The following DECR1 variants were observed in gnomAD, a reference collection of about 807,000 sequenced individuals.
DECR1 encodes the protein 2,4-dienoyl-CoA reductase 1, also known as 2,4-dienoyl-CoA reductase [(3E)-enoyl-CoA-producing], mitochondrial.
A neutral mutation model predicts 38.8 loss-of-function variants in DECR1; 44 were observed. The ratio of observed to expected loss-of-function variants is 1.13; its 90% CI spans 0.89 to 1.46. DECR1 has a LOEUF of 1.46. DECR1 is among the 40% of genes most tolerant of loss of function. DECR1 has a pLI of 0.00. For missense variants in DECR1, 428 were observed against 405.5 expected, an observed-to-expected ratio of 1.06 and a Z score of -0.48; for synonymous variants, 148 against 135.2, an observed-to-expected ratio of 1.09 and a Z score of -0.66.
At chr8:90,020,024 C>T (rs186248283) in intron 4 of DECR1, among the ~76,000 whole-genome samples, 97 of 152,202 alleles carry the variant, frequency 6.4e-4, no homozygotes, top group African/African-American at 2.1e-3. Context: ...TGGAGGAGAA[C>T]GATATAAACA....
Position 90,049,899 on chromosome 8 carries a change from G to A in DECR1, c.886-1778G>A, listed in dbSNP as rs541167416. On this transcript the variant is annotated intron_variant, in intron 8 of 9. Transcript: ENST00000220764. Reference sequence around the variant, plus strand: ...ACATCTACAACCATCTGATCTTTGAGAAGCCTGACAAATACAAGAAATGGG... The same window carrying A: ...ACATCTACAACCATCTGATCTTTGAAAAGCCTGACAAATACAAGAAATGGG... Among the ~76,000 whole-genome samples the A allele has an allele frequency of 9.9e-5, 15 of 152,232 alleles. No homozygotes were observed. The South Asian group carries it at 1.9e-3, about 19-fold the overall frequency.
chr8:90,043,686 T>C (rs977510835), intron 7 of DECR1, among the ~76,000 whole-genome samples: 2 of 152,174 alleles, frequency 1.3e-5, no homozygotes, highest in Non-Finnish European at 2.9e-5. Context: ...GTTTAAAGGA[T>C]GGGAAATAGA....
intron 5 of DECR1, among the ~76,000 whole-genome samples, chr8:90,023,204 A>T (rs558129870): frequency 6.6e-6 from 1 of 152,276 alleles, no homozygotes; most frequent in South Asian, 2.1e-4. Context: ...TTGCATGGGC[A>T]TTGTACATGT....
chr8:90,003,916 C>A (rs1196333186), intron 1 of DECR1, among the ~76,000 whole-genome samples: 1 of 150,832 alleles, frequency 6.6e-6, no homozygotes, highest in African/African-American at 2.4e-5. Context: ...TCCAACCTGG[C>A]GATAGAGTGA....
chr8:90,001,614 G>C (rs1812613646), intron 1 of DECR1, 53 bp downstream of exon 1: 1 of 1,548,134 alleles, frequency 6.5e-7, no homozygotes, highest in African/African-American at 1.4e-5. Context: ...GACGCGCAAA[G>C]AGAGAGGACA....
chr8:90,047,254 C>A (rs1813933945), intron 8 of DECR1, among the ~76,000 whole-genome samples: 1 of 152,132 alleles, frequency 6.6e-6, no homozygotes, highest in Non-Finnish European at 1.5e-5. Context: ...GATAAAGAGT[C>A]AAGACCCATC....
At chr8:90,005,892 G>T in intron 1 of DECR1, 1 of 366,940 alleles carries the variant, frequency 2.7e-6, no homozygotes, top group Admixed American at 3.9e-5. Context: ...GGGGGTGTTG[G>T]GAGGTGCCGG....
intron 1 of DECR1, chr8:90,015,541 G>T (rs2130036709): frequency 5.1e-6 from 2 of 395,914 alleles, no homozygotes; most frequent in Non-Finnish European, 1.0e-5. Flanking sequence ...CAATTTCCAG[G>T]TGATGAACAG....
In DECR1 at chr8:90,019,189, T is replaced by G; in HGVS notation, c.417+17T>G. ...CATCCTAATGTAAGTGTAGCAATGA[T>G]GAAGCCAAAGTGCAAGACACTTGAT... On this transcript the variant is annotated intron_variant, in intron 4 of 9. Coordinates refer to ENST00000220764, the MANE Select transcript of DECR1 (RefSeq NM_001359.2). The G allele has an allele frequency of 6.2e-7, 1 of 1,606,416 alleles. No homozygotes were observed. Among genetic ancestry groups the G allele is most frequent in the South Asian group, 1.1e-5 (1 of 90,852 alleles).
chr8:90,030,012 A>G (rs1666761305), intron 5 of DECR1, among the ~76,000 whole-genome samples: 1 of 152,144 alleles, frequency 6.6e-6, no homozygotes, highest in Admixed American at 6.6e-5. Flanking sequence ...TCGTGAAAGA[A>G]AATTTTTTCA....
chr8:90,039,211 G>A (rs1168692745), intron 6 of DECR1, among the ~76,000 whole-genome samples: 1 of 152,112 alleles, frequency 6.6e-6, no homozygotes, highest in Non-Finnish European at 1.5e-5. Flanking sequence ...CATATGCCTT[G>A]GCTGTCTTCC....
chr8:90,013,399 G>GTTTTTTTTTTTTTTTT lies in DECR1; in HGVS notation c.70-3717_70-3702dup, dbSNP rs57505716. Among the ~76,000 whole-genome samples the GTTTTTTTTTTTTTTTT allele has an allele frequency of 2.0e-3, 154 of 77,972 alleles. 2 individuals carry two copies. The highest frequency in any genetic ancestry group is 2.1e-3 in the Non-Finnish European group (88 of 42,636). 51.2% of individuals were successfully genotyped at this position (77,972 alleles called of 152,430 possible). A position where few individuals can be genotyped will look rare whatever the true frequency, so the allele number is the denominator to read the frequency against. ...AAATAAAAGCCTTGCCTCTTCTTTC[G>GTTTTTTTTTTTTTTTT]TTTTTTTTTTTTTTTTTTTTTTTGT... On this transcript the variant is annotated intron_variant, in intron 1 of 9. Coordinates refer to ENST00000220764, the MANE Select transcript of DECR1 (RefSeq NM_001359.2).
intron 6 of DECR1, chr8:90,042,428 TG>T: frequency 3.3e-6 from 1 of 299,682 alleles, no homozygotes; most frequent in South Asian, 6.6e-5. Flanking sequence ...TGGTAGGTGG[TG>T]TAGCATAGTG....
At chr8:90,031,408 A>G (rs955817947) in intron 5 of DECR1, among the ~76,000 whole-genome samples, 2 of 152,168 alleles carry the variant, frequency 1.3e-5, no homozygotes, top group African/African-American at 4.8e-5. Context: ...ACTCATAATT[A>G]AAATTAGTTA....
intron 1 of DECR1, among the ~76,000 whole-genome samples, chr8:90,001,795 CAA>C (rs1179864088): frequency 6.7e-6 from 1 of 149,806 alleles, no homozygotes; most frequent in East Asian, 2.0e-4. Flanking sequence ...TCCCGGGGCT[CAA>C]AGAGAGAGGA....
At chr8:90,022,958 GCCA>G (rs1813202676) in intron 5 of DECR1, among the ~76,000 whole-genome samples, 1 of 152,138 alleles carries the variant, frequency 6.6e-6, no homozygotes, top group African/African-American at 2.4e-5. Flanking sequence ...AAAGATGGAA[GCCA>G]GTTTTTATTC....
intron 8 of DECR1, among the ~76,000 whole-genome samples, chr8:90,049,240 A>C (rs371059260): frequency 1.3e-5 from 2 of 152,134 alleles, no homozygotes; most frequent in African/African-American, 4.8e-5. Flanking sequence ...GTCAAATTGT[A>C]CCTGTTTGCA....
At chr8:90,034,450 G>A (rs1168428197) in intron 5 of DECR1, among the ~76,000 whole-genome samples, 2 of 151,720 alleles carry the variant, frequency 1.3e-5, no homozygotes, top group Admixed American at 6.6e-5. Context: ...TTGTTTGTTT[G>A]TTTATTTATT....
At chr8:90,025,364 T>C (rs1813304169) in intron 5 of DECR1, among the ~76,000 whole-genome samples, 1 of 152,234 alleles carries the variant, frequency 6.6e-6, no homozygotes, top group South Asian at 2.1e-4. Flanking sequence ...GCATGGAATG[T>C]TCTTCCATTT....
Sources: gnomAD v4.1 joint callset for allele counts (sites outside exome capture counted in the v4.1 genomes callset) on GRCh38, gnomAD v4.1.1 for gene constraint, MANE v1.5 for transcripts, NCBI Gene and HGNC (gene_info 2026-07-23, HGNC 2026-07-21) for gene names.